Variants in SGCZ observed in about 807,000 individuals in gnomAD.
The protein encoded by SGCZ is zeta-sarcoglycan.
In SGCZ, 40 loss-of-function variants were observed where a neutral mutation model predicts 41.3. The observed-to-expected ratio is 0.97, with a 90% confidence interval of 0.75 to 1.26. The LOEUF (loss-of-function observed/expected upper bound fraction) is 1.26. SGCZ is among the 50% of genes most tolerant of loss of function. SGCZ has a pLI of 0.00. For synonymous variants in SGCZ, 206 were observed against 137.5 expected, an observed-to-expected ratio of 1.50 and a Z score of -3.49; for missense variants, 552 against 369.8, an observed-to-expected ratio of 1.49 and a Z score of -4.04.
chr8:14,174,099 TAAATC>T (rs1436969167), intron 4 of SGCZ, among the ~76,000 whole-genome samples: 1 of 151,994 alleles, frequency 6.6e-6, no homozygotes, highest in Non-Finnish European at 1.5e-5. Flanking sequence ...AATAAATAGA[TAAATC>T]CAATCCAATA....
chr8:14,373,424 C>A (rs1432011725), intron 2 of SGCZ, among the ~76,000 whole-genome samples: 1 of 151,992 alleles, frequency 6.6e-6, no homozygotes, highest in African/African-American at 2.4e-5. Flanking sequence ...TGACTACTCA[C>A]CATAAATGGC....
chr8:14,208,696 T>G (rs1805698221), intron 4 of SGCZ, among the ~76,000 whole-genome samples: 1 of 151,688 alleles, frequency 6.6e-6, no homozygotes, highest in East Asian at 1.9e-4. Context: ...TTACTTATAC[T>G]GCTATTTGTT....
intron 1 of SGCZ, among the ~76,000 whole-genome samples, chr8:14,883,246 A>AC (rs961542406): frequency 2.0e-5 from 3 of 151,418 alleles, no homozygotes; most frequent in African/African-American, 7.3e-5. Context: ...AAAAAAAAAA[A>AC]AAAACCACAG....
rs548602817 is a variant in SGCZ at position 14,761,176 on chromosome 8, T to C, written c.40-206250A>G. On this transcript the variant is annotated intron_variant, in intron 1 of 7. Transcript: ENST00000382080. ...GTCTTCGCTAATTCAAATATATAAT[T>C]GCATTAATTTTGGTCAGATGGAAAA... Among the ~76,000 whole-genome samples the C allele has an allele frequency of 3.3e-5, 5 of 152,272 alleles. No homozygotes were observed. In the East Asian group the frequency reaches 9.6e-4, roughly 29 times the overall value.
rs183888512 is a variant in SGCZ, at chr8:14,538,282, C to T, written c.234+16450G>A. On this transcript the variant is annotated intron_variant, in intron 2 of 7. Coordinates refer to ENST00000382080, the MANE Select transcript of SGCZ (RefSeq NM_139167.4). ...ACCCTTAAAATGGATTTTTTGTGCACAACTTTATGTCAGGCTGTATTTAAA... is the reference window on the plus strand; with the variant it reads ...ACCCTTAAAATGGATTTTTTGTGCATAACTTTATGTCAGGCTGTATTTAAA... 2.0e-5 allele frequency among the ~76,000 whole-genome samples: 3 copies of T among 151,918 alleles called. No individual in the cohort carries two copies. In the East Asian group the frequency reaches 5.8e-4, roughly 30 times the overall value.
chr8:14,745,603 A>G (rs1233784051), intron 1 of SGCZ, among the ~76,000 whole-genome samples: 1 of 152,100 alleles, frequency 6.6e-6, no homozygotes, highest in Admixed American at 6.6e-5. Flanking sequence ...ATATATGTAG[A>G]CATATGTGTG....
chr8:14,355,086 T>C (rs1803246824), intron 2 of SGCZ, among the ~76,000 whole-genome samples: 1 of 151,986 alleles, frequency 6.6e-6, no homozygotes, highest in South Asian at 2.1e-4. Flanking sequence ...TATCCTTAAA[T>C]TCAAATATGT....
At chr8:15,231,457 A>G (rs1801935975) in intron 1 of SGCZ, among the ~76,000 whole-genome samples, 1 of 152,074 alleles carries the variant, frequency 6.6e-6, no homozygotes, top group South Asian at 2.1e-4. Context: ...ATGCTCTTGG[A>G]GGGGTGGTAA....
rs550772825 is a variant in SGCZ at position 14,127,161 on chromosome 8, ATAAAAT to A, written c.548-18932_548-18927del. Among the ~76,000 whole-genome samples the A allele has an allele frequency of 5.8e-3, 878 of 152,252 alleles. 10 individuals are homozygous for A. Among genetic ancestry groups the A allele is most frequent in the African/African-American group, 0.021 (852 of 41,552 alleles). On this transcript the variant is annotated intron_variant, in intron 5 of 7. Transcript: ENST00000382080. ...CATGTATCCTGGGACTTAAAGTAAG[ATAAAAT>A]TAAAATAAATAAATAAATAAATGAG...
At chr8:14,320,367 G>C (rs1388901711) in intron 3 of SGCZ, among the ~76,000 whole-genome samples, 2 of 151,700 alleles carry the variant, frequency 1.3e-5, no homozygotes, top group African/African-American at 4.8e-5. Context: ...AAGGAGATTA[G>C]CATGTCATGT....
intron 4 of SGCZ, among the ~76,000 whole-genome samples, chr8:14,199,789 T>C (rs1805395716): frequency 6.6e-6 from 1 of 152,168 alleles, no homozygotes; most frequent in Non-Finnish European, 1.5e-5. Flanking sequence ...ATAAACGCAT[T>C]TCCTTTTTAA....
chr8:15,141,085 TGTAA>T (rs1808303413), intron 1 of SGCZ, among the ~76,000 whole-genome samples: 1 of 152,272 alleles, frequency 6.6e-6, no homozygotes, highest in Non-Finnish European at 1.5e-5. Flanking sequence ...TGACTTCTTA[TGTAA>T]TTTTCACCTT....
chr8:14,272,461 C>A (rs969220758), intron 3 of SGCZ, among the ~76,000 whole-genome samples: 1 of 152,210 alleles, frequency 6.6e-6, no homozygotes, highest in Non-Finnish European at 1.5e-5. Context: ...AAAGTCCTGA[C>A]TGGTAGCACT....
intron 1 of SGCZ, among the ~76,000 whole-genome samples, chr8:14,951,926 G>A (rs1048345151): frequency 2.0e-5 from 3 of 151,676 alleles, no homozygotes; most frequent in African/African-American, 7.3e-5. Context: ...TTGCCTAGTG[G>A]GCATTCTTAA....
intron 1 of SGCZ, among the ~76,000 whole-genome samples, chr8:14,727,611 C>T (rs1366128913): frequency 2.0e-5 from 3 of 151,474 alleles, no homozygotes; most frequent in Non-Finnish European, 4.4e-5. Flanking sequence ...CCCGGATTCA[C>T]GCCATTCTCC....
intron 1 of SGCZ, among the ~76,000 whole-genome samples, chr8:15,040,034 G>C (rs1302947112): frequency 6.6e-6 from 1 of 152,104 alleles, no homozygotes; most frequent in African/African-American, 2.4e-5. Flanking sequence ...TGACTATTTT[G>C]AAAATGCAAA....
At chr8:14,958,498 T>C (rs1255892746) in intron 1 of SGCZ, among the ~76,000 whole-genome samples, 1 of 151,920 alleles carries the variant, frequency 6.6e-6, no homozygotes, top group Admixed American at 6.6e-5. Context: ...TCCTGAATGA[T>C]GCCATTTAGA....
Position 15,105,774 on chromosome 8 carries a change from T to A in SGCZ, c.39+131811A>T, listed in dbSNP as rs138686419. ...ATGCATGGGAAGGCATAAGCACTCATATATATAGCAAATCTTACCAAAATT... is the reference window on the plus strand; with the variant it reads ...ATGCATGGGAAGGCATAAGCACTCAAATATATAGCAAATCTTACCAAAATT... On this transcript the variant is annotated intron_variant, in intron 1 of 7. Transcript: ENST00000382080. 6.6e-3 allele frequency among the ~76,000 whole-genome samples: 1,010 copies of A among 152,330 alleles called. 6 individuals carry two copies. Among genetic ancestry groups the A allele is most frequent in the Non-Finnish European group, 0.011 (735 of 68,038 alleles).
At chr8:15,022,334 T>C (rs79983157) in intron 1 of SGCZ, among the ~76,000 whole-genome samples, 4,289 of 152,238 alleles carry the variant, frequency 0.028, 132 homozygotes, top group East Asian at 0.13. Context: ...GATATCTTTT[T>C]TTTAATTTTA....
Sources: allele counts gnomAD v4.1 joint callset (sites outside exome capture counted in the v4.1 genomes callset), GRCh38; gene constraint gnomAD v4.1.1; transcripts MANE v1.5; gene names NCBI Gene and HGNC (gene_info 2026-07-23, HGNC 2026-07-21).